Variants in PDCD6IP observed in about 807,000 individuals in gnomAD.
The protein encoded by PDCD6IP is programmed cell death 6-interacting protein.
PDCD6IP carries 43 observed loss-of-function variants against 103.7 expected under a neutral mutation model. The observed-to-expected ratio is 0.41, with a 90% CI of 0.32 to 0.53. PDCD6IP has a LOEUF of 0.53. PDCD6IP is among the 20% of genes least tolerant of loss of function. The pLI is 0.16. For synonymous variants in PDCD6IP, 354 were observed against 378.7 expected, an observed-to-expected ratio of 0.93 and a Z score of 0.76; for missense variants, 871 against 1,036.7, an observed-to-expected ratio of 0.84 and a Z score of 2.20.
intron 3 of PDCD6IP, among the ~76,000 whole-genome samples, chr3:33,820,247 C>T (rs1696958637): frequency 1.3e-5 from 2 of 151,948 alleles, no homozygotes; most frequent in Admixed American, 1.3e-4. Context: ...TGCACTAGTG[C>T]ACTCCAGCCT....
chr3:33,838,772 A>G (rs28550922), intron 9 of PDCD6IP, among the ~76,000 whole-genome samples: 4 of 148,818 alleles, frequency 2.7e-5, no homozygotes, highest in South Asian at 2.1e-4. Context: ...GTGTGTGTGT[A>G]TGTGTATATA....
At chr3:33,804,512 T>G (rs548152598) in intron 1 of PDCD6IP, among the ~76,000 whole-genome samples, 2 of 152,388 alleles carry the variant, frequency 1.3e-5, no homozygotes, top group African/African-American at 4.8e-5. Context: ...AAGGAATATC[T>G]GTAATTGGCA....
rs1344901469 is a variant in PDCD6IP, at chr3:33,864,027, C to T, written c.2142C>T (p.Ala714=). The T allele has an allele frequency of 6.2e-7, 1 of 1,613,570 alleles. No homozygotes were observed. Among genetic ancestry groups the T allele is most frequent in the Non-Finnish European group, 8.5e-7 (1 of 1,179,638 alleles). ...TAAGGGACTTGCAACAAAGCATTGC[C>T]AGAGAACCTAGTGCTCCTTCAATTC... ...ELLKDLQQSI[A]REPSAPSIPT... is the part of the protein sequence containing the mutation. The change falls in exon 16 of 18, where the codon GCC becomes GCT. Residue 714 remains alanine, a synonymous_variant. Coordinates refer to ENST00000307296, the MANE Select transcript of PDCD6IP (RefSeq NM_013374.6).
At chr3:33,818,352 C>T (rs1431202517) in intron 3 of PDCD6IP, among the ~76,000 whole-genome samples, 1 of 151,450 alleles carries the variant, frequency 6.6e-6, no homozygotes, top group African/African-American at 2.4e-5. Flanking sequence ...AAGAGCTCCG[C>T]CCACCTTGCC....
In PDCD6IP at chr3:33,864,087, A is replaced by G. The variant is rs1698014012; in HGVS notation, c.2202A>G (p.Gly734=). The change falls in exon 16 of 18, where the codon GGA becomes GGG. Residue 734 remains glycine, a synonymous_variant. Transcript: ENST00000307296. ...TPAYQSSPAG[G]HAPTPPTPAP... ...CGTATCAGTCCTCACCAGCAGGAGG[A>G]CATGCACCAACTCCTCCAACTCCAG... The G allele has an allele frequency of 6.2e-7, 1 of 1,613,348 alleles. No homozygotes were observed. The highest frequency in any genetic ancestry group is 1.3e-5 in the African/African-American group (1 of 75,030).
At position 33,866,858 on chromosome 3, in the gene PDCD6IP, AC is replaced by A. The variant is rs1439288573; in HGVS notation, c.*334del. The A allele has an allele frequency of 1.0e-5, 2 of 197,948 alleles. No homozygotes were observed. Among genetic ancestry groups the A allele is most frequent in the African/African-American group, 4.6e-5 (2 of 43,388 alleles). The allele number at this position is 197,948 out of a possible 1,614,324, so 12.3% of individuals were successfully genotyped here. ...ATAAGACATGGTTGGGACATCAGATACTTACAAAGATGGTTTAAGTATGGAT... is the reference window on the plus strand; with the variant it reads ...ATAAGACATGGTTGGGACATCAGATATTACAAAGATGGTTTAAGTATGGAT... On this transcript the variant is annotated 3_prime_UTR_variant, in exon 18 of 18. Coordinates refer to ENST00000307296, the MANE Select transcript of PDCD6IP (RefSeq NM_013374.6).
Position 33,866,501 on chromosome 3 carries a change from G to A in PDCD6IP, c.2583G>A (p.Gln861=), listed in dbSNP as rs761147386. The change falls in exon 18 of 18, where the codon CAG becomes CAA. Residue 861 remains glutamine, a synonymous_variant. Transcript: ENST00000307296. ...QPSYPFPQPP[Q]QSYYPQQ The stretch of plus-strand genomic sequence containing the variant: ...CATACCCCTTCCCTCAGCCCCCACA[G>A]CAGTCTTACTATCCACAGCAGTAAT... 9.9e-6 allele frequency: 16 copies of A among 1,608,578 alleles called. No homozygotes were observed. Among genetic ancestry groups the A allele is most frequent in the Non-Finnish European group, 1.2e-5 (14 of 1,178,248 alleles).
At chr3:33,809,593 C>T (rs930061149) in intron 1 of PDCD6IP, among the ~76,000 whole-genome samples, 2 of 152,178 alleles carry the variant, frequency 1.3e-5, no homozygotes, top group Non-Finnish European at 2.9e-5. Flanking sequence ...TCCTGTATAA[C>T]CATAGTACAA....
Position 33,845,356 on chromosome 3 carries a change from C to A in PDCD6IP, c.1472-63C>A, listed in dbSNP as rs557725693. 7 of 1,276,600 alleles carry A rather than the reference C, an allele frequency of 5.5e-6. No homozygotes were observed. The African/African-American group carries it at 8.9e-5, about 16-fold the overall frequency. The allele number at this position is 1,276,600 out of a possible 1,614,324, so 79.1% of individuals were successfully genotyped here. Reference sequence around the variant, plus strand: ...TTGGAGACTAGAACTCAACATATAACCAGCCGATAAACGTTGCTGTTAGAA... The same window carrying A: ...TTGGAGACTAGAACTCAACATATAAACAGCCGATAAACGTTGCTGTTAGAA... On this transcript the variant is annotated intron_variant, in intron 11 of 17. Coordinates refer to ENST00000307296, the MANE Select transcript of PDCD6IP (RefSeq NM_013374.6).
intron 4 of PDCD6IP, among the ~76,000 whole-genome samples, chr3:33,824,069 A>G (rs1475526576): frequency 6.6e-6 from 1 of 152,100 alleles, no homozygotes; most frequent in Non-Finnish European, 1.5e-5. Flanking sequence ...TTATCTGTAA[A>G]TGAGAGACTC....
intron 1 of PDCD6IP, among the ~76,000 whole-genome samples, chr3:33,811,350 G>A (rs1024201647): frequency 5.3e-5 from 8 of 152,114 alleles, no homozygotes; most frequent in Non-Finnish European, 8.8e-5. Flanking sequence ...TTTGCCCCCA[G>A]AAATAATCAT....
At chr3:33,816,949 A>G (rs1183207888) in intron 3 of PDCD6IP, among the ~76,000 whole-genome samples, 1 of 152,252 alleles carries the variant, frequency 6.6e-6, no homozygotes. Flanking sequence ...GATCATAAAC[A>G]GGAGGTGGTT....
intron 12 of PDCD6IP, among the ~76,000 whole-genome samples, chr3:33,850,847 C>A (rs1170271542): frequency 2.0e-5 from 3 of 151,990 alleles, no homozygotes; most frequent in Non-Finnish European, 2.9e-5. Context: ...ATATTTCTTT[C>A]TCTTTCCACA....
intron 15 of PDCD6IP, among the ~76,000 whole-genome samples, chr3:33,858,770 A>G (rs1697886611): frequency 6.6e-6 from 1 of 152,226 alleles, no homozygotes; most frequent in Non-Finnish European, 1.5e-5. Context: ...AGATTGCACC[A>G]CTGTACTCCA....
At chr3:33,813,525 T>A (rs2125547375) in intron 2 of PDCD6IP, 34 bp from the exon 3 acceptor site, 1 of 1,304,160 alleles carries the variant, frequency 7.7e-7, no homozygotes, top group Non-Finnish European at 1.1e-6. Context: ...TCAGGAAGGT[T>A]ACCTAATTTT....
chr3:33,826,447 T>TA (rs1697126046), intron 5 of PDCD6IP, 33 bp from the exon 6 acceptor site: 1 of 1,458,316 alleles, frequency 6.9e-7, no homozygotes, highest in African/African-American at 1.4e-5. Context: ...AGCTCATATT[T>TA]ATTTTAATTA....
chr3:33,808,787 A>C (rs7649799), intron 1 of PDCD6IP, among the ~76,000 whole-genome samples: 44,107 of 151,898 alleles, frequency 0.29, 6,620 homozygotes, highest in East Asian at 0.41. Flanking sequence ...GATGATTCAC[A>C]CTCTTACACT....
chr3:33,840,591 T>A (rs1168887799), intron 9 of PDCD6IP, among the ~76,000 whole-genome samples: 1 of 152,230 alleles, frequency 6.6e-6, no homozygotes, highest in Non-Finnish European at 1.5e-5. Context: ...TTTACAGAGC[T>A]TATTTTCTGA....
rs928603456 is a variant in PDCD6IP, at chr3:33,835,945, A to AT, written c.835-89dup. The AT allele has an allele frequency of 2.9e-3, 1,876 of 654,766 alleles. 6 individuals are homozygous for AT. The highest frequency in any genetic ancestry group is 0.02 in the Admixed American group (674 of 33,666). 40.6% of individuals were successfully genotyped at this position (654,766 alleles called of 1,614,324 possible). A position where few individuals can be genotyped will look rare whatever the true frequency, so the allele number is the denominator to read the frequency against. Reference sequence around the variant, plus strand: ...GGAAATGCAAGTCTTCAGATTAAAGATTTTTTTTTTGAAACCAATGCTTAA... The same window carrying AT: ...GGAAATGCAAGTCTTCAGATTAAAGATTTTTTTTTTTGAAACCAATGCTTAA... On this transcript the variant is annotated intron_variant, in intron 7 of 17. Coordinates refer to ENST00000307296, the MANE Select transcript of PDCD6IP (RefSeq NM_013374.6).
Sources: allele counts gnomAD v4.1 joint callset (sites outside exome capture counted in the v4.1 genomes callset), GRCh38; gene constraint gnomAD v4.1.1; transcripts MANE v1.5; gene names NCBI Gene and HGNC (gene_info 2026-07-23, HGNC 2026-07-21).